The following PPP1R9B variants were observed in gnomAD, a reference collection of about 807,000 sequenced individuals.
PPP1R9B encodes neurabin-2.
A neutral mutation model predicts 75.8 loss-of-function variants in PPP1R9B; 17 were observed. The observed-to-expected ratio is 0.22, with a 90% CI of 0.15 to 0.34. The LOEUF (loss-of-function observed/expected upper bound fraction) is 0.34, where lower values mean the gene tolerates loss of function less well. PPP1R9B is among the 10% of genes least tolerant of loss of function. The pLI, the probability that PPP1R9B is intolerant of heterozygous loss-of-function variation, is 1.00. For synonymous variants in PPP1R9B, 509 were observed against 535.4 expected (o/e 0.95, Z 0.68); for missense variants, 875 against 1,196.0 (o/e 0.73, Z 3.96).
chr17:50,135,861 C>G, intron 8 of PPP1R9B, 107 bp downstream of exon 8: 1 of 993,688 alleles, frequency 1.0e-6, no homozygotes, highest in Non-Finnish European at 1.5e-6. Flanking sequence ...CCATGGGGCC[C>G]TCCAACTTCT....
Position 50,149,383 on chromosome 17 carries a change from C to T in PPP1R9B, c.1131G>A (p.Glu377=), listed in dbSNP as rs367543187. The change falls in exon 1 of 10, where the codon GAG becomes GAA. Residue 377 remains glutamate (E), a synonymous_variant. Transcript: ENST00000612501. The surrounding 1 kb of genome is among the most constrained non-coding windows in gnomAD (Gnocchi z 7.2). ...GNGRAPDVAP[E]EVDESKKEDF... Reference sequence around the variant, plus strand: ...CCTCCTTCTTGGATTCATCTACCTCCTCAGGGGCCACGTCCGGGGCCCGGC... The same window carrying T: ...CCTCCTTCTTGGATTCATCTACCTCTTCAGGGGCCACGTCCGGGGCCCGGC... 16 of 1,612,980 alleles carry T rather than the reference C, an allele frequency of 9.9e-6. No individual in the cohort carries two copies. In the African/African-American group the frequency reaches 1.7e-4, roughly 17 times the overall value.
chr17:50,144,586 T>C (rs1912467297), intron 2 of PPP1R9B, among the ~76,000 whole-genome samples: 1 of 152,142 alleles, frequency 6.6e-6, no homozygotes, highest in South Asian at 2.1e-4. Flanking sequence ...CCAAGCCCCT[T>C]TCCTGACTAC....
intron 1 of PPP1R9B, among the ~76,000 whole-genome samples, chr17:50,148,937 C>A (rs1912593501): frequency 6.6e-6 from 1 of 152,068 alleles, no homozygotes; most frequent in Non-Finnish European, 1.5e-5. Flanking sequence ...TCGGGGCAGG[C>A]CACCCCCCTC....
intron 3 of PPP1R9B, among the ~76,000 whole-genome samples, chr17:50,143,303 A>G (rs1228162106): frequency 3.3e-5 from 5 of 152,156 alleles, no homozygotes; most frequent in Non-Finnish European, 4.4e-5. Context: ...CCAGGGCCCA[A>G]ACTGTACTCC....
In PPP1R9B at chr17:50,149,233, G is replaced by C. The variant is rs1461439511; in HGVS notation, c.1281C>G (p.Pro427=). 2 of 1,610,682 alleles carry C rather than the reference G, an allele frequency of 1.2e-6. No individual in the cohort carries two copies. Residue 427 remains proline (P), a synonymous_variant, in exon 1 of 10, where the codon CCC becomes CCG. Coordinates refer to ENST00000612501, the MANE Select transcript of PPP1R9B (RefSeq NM_032595.5). The surrounding 1 kb of genome is among the most constrained non-coding windows in gnomAD (Gnocchi z 7.2). ...CCGGGATCTCCACGCACCCCGACTC[G>C]GGCTCGTAGGGGGGCTCCCCATCCT... The part of the protein sequence containing the change: ...DEEDGEPPYE[P]ESGCVEIPGL...
chr17:50,149,848 G>A lies in PPP1R9B; in HGVS notation c.666C>T (p.Thr222=). The part of the protein sequence containing the change: ...SAVFEKADSR[T]GLHRGPGLPR... ...GGAGCCCGGGCCCGCGGTGGAGGCC[G>A]GTCCTCGAGTCGGCCTTCTCGAAGA... is the stretch of plus-strand genomic sequence containing the variant. The change falls in exon 1 of 10, where the codon ACC becomes ACT. Residue 222 remains threonine (T), a synonymous_variant. Transcript: ENST00000612501. This position sits in a 1 kb window ranked among gnomAD's most constrained non-coding sequence, Gnocchi z 7.2. 1.4e-6 allele frequency: 2 copies of A among 1,479,470 alleles called. No individual in the cohort carries two copies. The highest frequency in any genetic ancestry group is 1.3e-5 in the South Asian group (1 of 78,038). The allele number at this position is 1,479,470 out of a possible 1,614,324, so 91.6% of individuals were successfully genotyped here.
rs183445010 is a variant in PPP1R9B at position 50,140,355 on chromosome 17, G to A, written c.1731-127C>T. ...GAGGAGAGATGAGAGGGCTGAGTCC[G>A]AAGGCTGCAGTGTTAATAATGAATG... On this transcript the variant is annotated intron_variant, in intron 4 of 9. Coordinates refer to ENST00000612501, the MANE Select transcript of PPP1R9B (RefSeq NM_032595.5). 2.7e-4 allele frequency: 326 copies of A among 1,205,004 alleles called. 1 individual carries two copies. Among genetic ancestry groups the A allele is most frequent in the South Asian group, 5.7e-4 (37 of 65,304 alleles). 74.6% of individuals were successfully genotyped at this position (1,205,004 alleles called of 1,614,324 possible).
In PPP1R9B at chr17:50,149,587, C is replaced by G. The variant is rs1191674117; in HGVS notation, c.927G>C (p.Ser309=). The G allele has an allele frequency of 6.4e-7, 1 of 1,572,538 alleles. No homozygotes were observed. The highest frequency in any genetic ancestry group is 8.6e-7 in the Non-Finnish European group (1 of 1,163,804). ...KPVEVEESGE[S]EAESAPGEVI... is the part of the protein sequence containing the mutation. ...CCTCCCCGGGCGCCGACTCGGCCTCCGACTCCCCGCTCTCCTCCACCTCCA... is the reference window on the plus strand; with the variant it reads ...CCTCCCCGGGCGCCGACTCGGCCTCGGACTCCCCGCTCTCCTCCACCTCCA... Residue 309 remains serine (S), a synonymous_variant, in exon 1 of 10, where the codon TCG becomes TCC. Coordinates refer to ENST00000612501, the MANE Select transcript of PPP1R9B (RefSeq NM_032595.5). The surrounding 1 kb of genome is among the most constrained non-coding windows in gnomAD (Gnocchi z 7.2).
intron 1 of PPP1R9B, among the ~76,000 whole-genome samples, chr17:50,148,888 G>A (rs921815173): frequency 3.3e-5 from 5 of 151,882 alleles, no homozygotes; most frequent in South Asian, 2.1e-4. Flanking sequence ...TCCGCGGAGC[G>A]GCGGGGCGGG....
chr17:50,148,873 C>A (rs1912591439), intron 1 of PPP1R9B, among the ~76,000 whole-genome samples: 1 of 152,180 alleles, frequency 6.6e-6, no homozygotes, highest in South Asian at 2.1e-4. Flanking sequence ...TGGGGCAGGG[C>A]GGGTTCCGCG....
chr17:50,140,968 G>C (rs1912360812), intron 4 of PPP1R9B, among the ~76,000 whole-genome samples: 1 of 152,108 alleles, frequency 6.6e-6, no homozygotes, highest in Non-Finnish European at 1.5e-5. Flanking sequence ...TGGTTCTTCA[G>C]TCAGTGAGTC....
rs966259959 is a variant in PPP1R9B, at chr17:50,135,268, G to A, written c.*63C>T. 16 of 1,434,986 alleles carry A rather than the reference G, an allele frequency of 1.1e-5. No individual in the cohort carries two copies. Among genetic ancestry groups the A allele is most frequent in the Non-Finnish European group, 1.6e-5 (16 of 1,022,548 alleles). 88.9% of individuals were successfully genotyped at this position (1,434,986 alleles called of 1,614,324 possible). A position where few individuals can be genotyped will look rare whatever the true frequency, so the allele number is the denominator to read the frequency against. ...GGAAGGGGGAGGGGTGGGGTGTTGA[G>A]GACAGGGGAGGGAGGACAATGGGAG... is the stretch of plus-strand genomic sequence containing the variant. On this transcript the variant is annotated 3_prime_UTR_variant, in exon 10 of 10. Transcript: ENST00000612501.
chr17:50,143,807 T>C, intron 2 of PPP1R9B, 89 bp from the exon 3 acceptor site: 6 of 1,560,644 alleles, frequency 3.8e-6, no homozygotes, highest in Non-Finnish European at 5.3e-6. Flanking sequence ...AGCCCCCCCA[T>C]CAGGAAGCAG....
intron 3 of PPP1R9B, among the ~76,000 whole-genome samples, chr17:50,141,969 T>C (rs910505769): frequency 5.9e-5 from 9 of 152,212 alleles, no homozygotes; most frequent in African/African-American, 2.2e-4. Context: ...CCATGCACAC[T>C]GGCCAGGAGC....
chr17:50,135,499 G>A (rs1221289071), intron 9 of PPP1R9B, 54 bp downstream of exon 9: 1 of 1,581,922 alleles, frequency 6.3e-7, no homozygotes. Context: ...CAGGGTAGGG[G>A]CTTCAATGCT....
rs367543196 is a variant in PPP1R9B at position 50,149,737 on chromosome 17, G to A, written c.777C>T (p.Pro259=). 7 of 1,406,864 alleles carry A rather than the reference G, an allele frequency of 5.0e-6. No homozygotes were observed. Among genetic ancestry groups the A allele is most frequent in the Admixed American group, 3.3e-5 (1 of 30,172 alleles). 87.1% of individuals were successfully genotyped at this position (1,406,864 alleles called of 1,614,324 possible). The change falls in exon 1 of 10, where the codon CCC becomes CCT. Residue 259 remains proline, a synonymous_variant. Transcript: ENST00000612501. This position sits in a 1 kb window ranked among gnomAD's most constrained non-coding sequence, Gnocchi z 7.2. The part of the protein sequence containing the change: ...RVFQPPPPPP[P]APSGDAPAEK... ...CGGCCGGGGCATCCCCCGACGGGGC[G>A]GGCGGCGGCGGCGGCGGGGGCTGGA... is the stretch of plus-strand genomic sequence containing the variant.
Position 50,139,115 on chromosome 17 carries a change from G to T in PPP1R9B, c.2073+148C>A. On this transcript the variant is annotated intron_variant, in intron 7 of 9. Coordinates refer to ENST00000612501, the MANE Select transcript of PPP1R9B (RefSeq NM_032595.5). This position sits in a 1 kb window ranked among gnomAD's most constrained non-coding sequence, Gnocchi z 5.0. ...ATCCAGAGCTTAAGCTCTTAATATC[G>T]TATCTATCATATCATCTTGCTTTAG... is the stretch of plus-strand genomic sequence containing the variant. The T allele has an allele frequency of 1.2e-6, 1 of 854,794 alleles. No individual in the cohort carries two copies. The highest frequency in any genetic ancestry group is 1.9e-6 in the Non-Finnish European group (1 of 514,284). 53.0% of individuals were successfully genotyped at this position (854,794 alleles called of 1,614,324 possible).
intron 4 of PPP1R9B, among the ~76,000 whole-genome samples, 191 bp downstream of exon 4, chr17:50,141,078 C>T (rs972118934): frequency 3.9e-5 from 6 of 152,080 alleles, no homozygotes; most frequent in African/African-American, 1.4e-4. Context: ...CAGCTGTTGC[C>T]AGGGAGCTGG....
rs929561892 is a variant in PPP1R9B, at chr17:50,142,214, T to TG, written c.1626-842dup. Among the ~76,000 whole-genome samples, 1 of 151,738 alleles carries TG rather than the reference T, an allele frequency of 6.6e-6. No individual in the cohort carries two copies. Among genetic ancestry groups the TG allele is most frequent in the Non-Finnish European group, 1.5e-5 (1 of 67,910 alleles). The stretch of plus-strand genomic sequence containing the variant: ...CTGGCCTGCTGAGGGAGATGGAGGG[T>TG]GGGGGGCCTCTCAGACACCTCCCTC... On this transcript the variant is annotated intron_variant, in intron 3 of 9. Transcript: ENST00000612501. The surrounding 1 kb of genome is among the most constrained non-coding windows in gnomAD (Gnocchi z 4.1).
Sources: allele counts gnomAD v4.1 joint callset (sites outside exome capture counted in the v4.1 genomes callset), GRCh38; gene constraint gnomAD v4.1.1; non-coding constraint Gnocchi (gnomAD v3.1); transcripts MANE v1.5; gene names NCBI Gene and HGNC (gene_info 2026-07-23, HGNC 2026-07-21).